The following TRIO variants were observed in gnomAD, a reference collection of about 807,000 sequenced individuals.
TRIO encodes the protein triple functional domain protein.
A neutral mutation model predicts 351.9 loss-of-function variants in TRIO; 58 were observed. The ratio of observed to expected loss-of-function variants is 0.16; its 90% confidence interval spans 0.13 to 0.21. TRIO has a LOEUF of 0.21. Ranked by LOEUF, TRIO falls within the 10% of genes least tolerant of loss-of-function variation. The pLI is 1.00. For synonymous variants in TRIO, 1,758 were observed against 1,595.7 expected (o/e 1.10, Z -2.42); for missense variants, 3,201 against 4,027.8 (o/e 0.79, Z 5.56).
intron 1 of TRIO, among the ~76,000 whole-genome samples, chr5:14,175,196 G>A (rs1398254642): frequency 6.6e-6 from 1 of 152,158 alleles, no homozygotes; most frequent in Non-Finnish European, 1.5e-5. Flanking sequence ...TTGGAATTGA[G>A]ATTACAGTTT....
chr5:14,453,937 C>T (rs1207822861), intron 34 of TRIO, among the ~76,000 whole-genome samples: 1 of 151,838 alleles, frequency 6.6e-6, no homozygotes, highest in Non-Finnish European at 1.5e-5. Context: ...ATAATAGATG[C>T]ATCTTTTTTT....
intron 1 of TRIO, among the ~76,000 whole-genome samples, chr5:14,150,430 A>T (rs1312878988): frequency 6.6e-6 from 1 of 152,154 alleles, no homozygotes; most frequent in African/African-American, 2.4e-5. Context: ...TGCACACAAC[A>T]CACACACACC....
At chr5:14,460,038 C>T (rs1753655962) in intron 34 of TRIO, among the ~76,000 whole-genome samples, 1 of 152,112 alleles carries the variant, frequency 6.6e-6, no homozygotes, top group Admixed American at 6.5e-5. Flanking sequence ...GCCTCAGCCT[C>T]CTGAGTAGCT....
chr5:14,159,582 T>C (rs1461338572), intron 1 of TRIO, among the ~76,000 whole-genome samples: 2 of 151,866 alleles, frequency 1.3e-5, no homozygotes, highest in Non-Finnish European at 2.9e-5. Context: ...TTCTTTTTTT[T>C]TTTTTGAGAT....
In TRIO at chr5:14,482,717, C is replaced by G. The variant is rs771342869; in HGVS notation, c.6601C>G (p.Leu2201Val). The change falls in exon 46 of 57, where the codon CTT becomes GTT. Residue 2201 changes from leucine to valine, a missense_variant. Physicochemically the swap from Leu to Val is conservative, Grantham distance 32 (BLOSUM62 1). This residue lies in a region of TRIO where 1,089 missense variants were observed against 954.9 expected (regional missense o/e 1.14). Transcript: ENST00000344204. ...GCAGATCGTCATATTCAGCGAACCA[C>G]TTGATAAAAAGAAGGGCTTCTCCAT... ...FEQIVIFSEP[L>V]DKKKGFSMPG... 14 of 1,610,602 alleles carry G rather than the reference C, an allele frequency of 8.7e-6. No homozygotes were observed. Among genetic ancestry groups the G allele is most frequent in the Non-Finnish European group, 1.2e-5 (14 of 1,177,856 alleles).
chr5:14,279,455 G>T (rs1001597520), intron 2 of TRIO, among the ~76,000 whole-genome samples: 1 of 152,058 alleles, frequency 6.6e-6, no homozygotes, highest in Non-Finnish European at 1.5e-5. Context: ...GAATTTTGAG[G>T]TCTCCCGAAG....
At chr5:14,350,243 G>A (rs530846131) in intron 11 of TRIO, among the ~76,000 whole-genome samples, 16 of 152,268 alleles carry the variant, frequency 1.1e-4, no homozygotes, top group African/African-American at 3.6e-4. Flanking sequence ...GACTTGCCAC[G>A]GCAAAGAGGA....
chr5:14,282,819 T>C (rs1169777790), intron 3 of TRIO, among the ~76,000 whole-genome samples: 2 of 152,198 alleles, frequency 1.3e-5, no homozygotes, highest in Non-Finnish European at 2.9e-5. Flanking sequence ...TACCTAGGTT[T>C]GCGTTTGCAT....
chr5:14,337,800 C>T (rs547845901), intron 11 of TRIO, among the ~76,000 whole-genome samples: 2 of 152,118 alleles, frequency 1.3e-5, no homozygotes, highest in Admixed American at 6.5e-5. Flanking sequence ...CCCTGTGAGG[C>T]TGTGAAGGAG....
intron 1 of TRIO, among the ~76,000 whole-genome samples, chr5:14,185,293 C>T (rs939195507): frequency 6.6e-6 from 1 of 152,066 alleles, no homozygotes; most frequent in Non-Finnish European, 1.5e-5. Context: ...TTTCTTTCAC[C>T]CAAATTGAAT....
At chr5:14,270,923 C>T in intron 2 of TRIO, 24 bp downstream of exon 2, 1 of 1,530,574 alleles carries the variant, frequency 6.5e-7, no homozygotes. Flanking sequence ...TTCAACTCTG[C>T]TCTATCCAAC....
chr5:14,170,821 C>T (rs1789057061), intron 1 of TRIO, among the ~76,000 whole-genome samples: 1 of 152,084 alleles, frequency 6.6e-6, no homozygotes, highest in Non-Finnish European at 1.5e-5. Context: ...GTAATATATT[C>T]TCTTGAAAGA....
In TRIO at chr5:14,358,315, C is replaced by A. The variant is rs754740027; in HGVS notation, c.2184C>A (p.Ile728=). The change falls in exon 12 of 57, where the codon ATC becomes ATA. Residue 728 remains isoleucine (I), a synonymous_variant. Transcript: ENST00000344204. ...CCCTGCAGGTGACTGTCAACGTGAT[C>A]AAGGAAGGGGAGGACCTCATCCAGC... ...QTTLQVTVNV[I]KEGEDLIQQL... is the part of the protein sequence containing the mutation. 2.5e-6 allele frequency: 4 copies of A among 1,614,170 alleles called. No homozygotes were observed. The highest frequency in any genetic ancestry group is 3.4e-6 in the Non-Finnish European group (4 of 1,180,026).
intron 7 of TRIO, among the ~76,000 whole-genome samples, chr5:14,298,644 A>T (rs1737576950): frequency 6.6e-6 from 1 of 152,230 alleles, no homozygotes; most frequent in African/African-American, 2.4e-5. Context: ...GTTGCACAAG[A>T]CACTAATTAG....
chr5:14,454,110 G>T (rs1306805088), intron 34 of TRIO, among the ~76,000 whole-genome samples: 1 of 152,100 alleles, frequency 6.6e-6, no homozygotes, highest in South Asian at 2.1e-4. Context: ...TGTAATTTTA[G>T]TAGAAACAGG....
At chr5:14,472,218 CT>C (rs2126556324) in intron 38 of TRIO, among the ~76,000 whole-genome samples, 1 of 152,332 alleles carries the variant, frequency 6.6e-6, no homozygotes, top group Non-Finnish European at 1.5e-5. Flanking sequence ...AAAAGTTTTT[CT>C]TGTATAGCCA....
At chr5:14,224,452 GA>G (rs1174206363) in intron 1 of TRIO, among the ~76,000 whole-genome samples, 1 of 151,690 alleles carries the variant, frequency 6.6e-6, no homozygotes, top group Admixed American at 6.6e-5. Context: ...AGTGAAGAAA[GA>G]ATATACTAAA....
intron 55 of TRIO, among the ~76,000 whole-genome samples, chr5:14,506,398 G>A (rs1204507213): frequency 6.6e-6 from 1 of 152,204 alleles, no homozygotes; most frequent in East Asian, 1.9e-4. Flanking sequence ...AGCATAGGCC[G>A]GTGTTGAGAG....
At chr5:14,277,851 C>T (rs115551652) in intron 2 of TRIO, among the ~76,000 whole-genome samples, 1 of 152,176 alleles carries the variant, frequency 6.6e-6, no homozygotes, top group African/African-American at 2.4e-5. Context: ...TTTCTTCATA[C>T]CTCCCTGAGG....
Sources: gnomAD v4.1 joint callset for allele counts (sites outside exome capture counted in the v4.1 genomes callset) on GRCh38, gnomAD v4.1.1 for gene constraint, gnomAD v4.1.1 regional missense constraint, MANE v1.5 for transcripts, NCBI Gene and HGNC (gene_info 2026-07-23, HGNC 2026-07-21) for gene names.